TMEM232: variants seen among roughly 807,000 people sequenced by gnomAD.
The protein encoded by TMEM232 is transmembrane protein 232.
In TMEM232, 80 loss-of-function variants were observed where a neutral mutation model predicts 78.8. The ratio of observed to expected loss-of-function variants is 1.01; its 90% confidence interval spans 0.85 to 1.22. TMEM232 has a LOEUF of 1.22. TMEM232 is among the 50% of genes most tolerant of loss of function. TMEM232 has a pLI of 0.00. For missense variants in TMEM232, 881 were observed against 742.2 expected, an observed-to-expected ratio of 1.19 and a Z score of -2.17; for synonymous variants, 297 against 254.3, an observed-to-expected ratio of 1.17 and a Z score of -1.60.
intron 2 of TMEM232, among the ~76,000 whole-genome samples, chr5:110,405,803 T>C (rs1755769922): frequency 6.7e-6 from 1 of 149,408 alleles, no homozygotes; most frequent in Non-Finnish European, 1.5e-5. Context: ...TTTAGCACGC[T>C]TGTATTTGGA....
intron 10 of TMEM232, among the ~76,000 whole-genome samples, chr5:110,599,923 T>C (rs7729261): frequency 0.21 from 32,540 of 151,992 alleles, 5,129 homozygotes; most frequent in African/African-American, 0.45. Flanking sequence ...GGAAGTAAAA[T>C]GCTCTTCAGC....
At chr5:110,432,681 G>T (rs1757991248) in intron 12 of TMEM232, among the ~76,000 whole-genome samples, 1 of 151,640 alleles carries the variant, frequency 6.6e-6, no homozygotes, top group African/African-American at 2.4e-5. Context: ...AAGACATAAA[G>T]TTGCAAATTG....
Position 110,419,950 on chromosome 5 carries a change from A to AACTC in TMEM232, c.*626_*629dup, listed in dbSNP as rs1190188646. ...AGGTTCATAAGAATTCATTCTCATA[A>AACTC]ACTCACAGAACAGAGTAAAACCACC... On this transcript the variant is annotated 3_prime_UTR_variant, in exon 14 of 14. Coordinates refer to ENST00000455884, the MANE Select transcript of TMEM232 (RefSeq NM_001039763.4). Among the ~76,000 whole-genome samples the AACTC allele has an allele frequency of 1.3e-5, 2 of 152,028 alleles. No homozygotes were observed. Among genetic ancestry groups the AACTC allele is most frequent in the Non-Finnish European group, 2.9e-5 (2 of 67,946 alleles).
intron 10 of TMEM232, among the ~76,000 whole-genome samples, chr5:110,601,445 TC>T (rs1780884459): frequency 6.6e-6 from 1 of 152,104 alleles, no homozygotes; most frequent in Admixed American, 6.6e-5. Flanking sequence ...ATAAACAACT[TC>T]AGCAAAATCT....
chr5:110,676,904 A>C (rs1580625688), intron 1 of TMEM232, among the ~76,000 whole-genome samples: 2 of 151,716 alleles, frequency 1.3e-5, no homozygotes, highest in African/African-American at 4.8e-5. Context: ...GATTACAGGC[A>C]CCTGCCACCA....
At chr5:110,448,520 T>A (rs75298353) in intron 12 of TMEM232, among the ~76,000 whole-genome samples, 2 of 152,068 alleles carry the variant, frequency 1.3e-5, no homozygotes, top group African/African-American at 4.8e-5. Context: ...TAAATGATTG[T>A]TTTAAATTTG....
At chr5:110,689,060 C>A (rs1170234230) in intron 1 of TMEM232, among the ~76,000 whole-genome samples, 6 of 152,136 alleles carry the variant, frequency 3.9e-5, no homozygotes, top group African/African-American at 1.2e-4. Flanking sequence ...ATATACCACC[C>A]TTTCCCTTTT....
chr5:110,731,281 C>G (rs1798655556), upstream of TMEM232, among the ~76,000 whole-genome samples: 1 of 152,202 alleles, frequency 6.6e-6, no homozygotes, highest in Non-Finnish European at 1.5e-5. Flanking sequence ...TGCAGCTTCT[C>G]CAGGTGCACA....
chr5:110,627,731 C>T lies in TMEM232; in HGVS notation c.601+50G>A, dbSNP rs976599272. 58 of 1,269,092 alleles carry T rather than the reference C, an allele frequency of 4.6e-5. No individual in the cohort carries two copies. The East Asian group carries it at 1.5e-3, about 33-fold the overall frequency. 78.6% of individuals were successfully genotyped at this position (1,269,092 alleles called of 1,614,324 possible). A position where few individuals can be genotyped will look rare whatever the true frequency, so the allele number is the denominator to read the frequency against. ...CTTTATAGTGACAGTCTGAGCTTAT[C>T]AAAATATAACATAAAACATTTATAA... On this transcript the variant is annotated intron_variant, in intron 6 of 13. Coordinates refer to ENST00000455884, the MANE Select transcript of TMEM232 (RefSeq NM_001039763.4).
intron 10 of TMEM232, among the ~76,000 whole-genome samples, chr5:110,576,561 A>C (rs1418377512): frequency 6.6e-6 from 1 of 152,002 alleles, no homozygotes; most frequent in Non-Finnish European, 1.5e-5. Context: ...ACAACAAAAA[A>C]AGCCTGAATA....
At chr5:110,709,680 A>T (rs1471948239) in intron 1 of TMEM232, among the ~76,000 whole-genome samples, 2 of 152,158 alleles carry the variant, frequency 1.3e-5, no homozygotes, top group African/African-American at 4.8e-5. Context: ...AAATTTATTG[A>T]AACAAATGTT....
chr5:110,470,366 T>G (rs752767659), intron 12 of TMEM232, among the ~76,000 whole-genome samples: 4 of 151,916 alleles, frequency 2.6e-5, no homozygotes, highest in Non-Finnish European at 5.9e-5. Context: ...GAGAATGAAC[T>G]TGTATGTAAA....
At chr5:110,665,925 C>A (rs974106975) in intron 2 of TMEM232, among the ~76,000 whole-genome samples, 4 of 151,108 alleles carry the variant, frequency 2.6e-5, no homozygotes, top group African/African-American at 9.7e-5. Context: ...AAAAATTAGC[C>A]AGGCATACTG....
chr5:110,721,669 G>GTATATATATATATATATATATA lies in TMEM232; in HGVS notation c.-13+4957_-13+4958insTATATATATATATATATATATA, dbSNP rs749643657. 5.0e-3 allele frequency among the ~76,000 whole-genome samples: 118 copies of GTATATATATATATATATATATA among 23,826 alleles called. 4 individuals carry two copies. In the East Asian group the frequency reaches 0.071, roughly 14 times the overall value. 15.6% of individuals were successfully genotyped at this position (23,826 alleles called of 152,430 possible). On this transcript the variant is annotated intron_variant, in intron 1 of 13. Coordinates refer to ENST00000455884, the MANE Select transcript of TMEM232 (RefSeq NM_001039763.4). Reference sequence around the variant, plus strand: ...GTCTGCATATCATGTGTGTGTGTGTGTGTGTATATATATATCTGTGTGTGT... The same window carrying GTATATATATATATATATATATA: ...GTCTGCATATCATGTGTGTGTGTGTGTATATATATATATATATATATATGTGTATATATATATCTGTGTGTGT...
At position 110,392,450 on chromosome 5, in the gene TMEM232, T is replaced by G. The variant is rs200754602; in HGVS notation, n.391-1810A>C. On this transcript the variant is annotated intron_variant and non_coding_transcript_variant, in intron 3 of 8. Transcript: ENST00000507188. ...ATTTGTTAGTCAGTTCAGGCTGTTA[T>G]GACAAAATATCATAGGCTGGCTGGT... Among the ~76,000 whole-genome samples the G allele has an allele frequency of 9.8e-5, 15 of 152,344 alleles. 1 individual carries two copies. The East Asian group carries it at 2.5e-3, about 25-fold the overall frequency.
chr5:110,474,343 A>G (rs1045306917), intron 12 of TMEM232, among the ~76,000 whole-genome samples: 1 of 151,952 alleles, frequency 6.6e-6, no homozygotes, highest in African/African-American at 2.4e-5. Flanking sequence ...TTAACCTGGT[A>G]AAGATTTTTT....
intron 12 of TMEM232, among the ~76,000 whole-genome samples, chr5:110,524,178 G>A (rs972181173): frequency 6.7e-6 from 1 of 149,718 alleles, no homozygotes; most frequent in African/African-American, 2.5e-5. Context: ...CATAAGAATT[G>A]CTTGAACCAG....
At chr5:110,557,472 T>C (rs537791941) in intron 11 of TMEM232, among the ~76,000 whole-genome samples, 77 of 152,292 alleles carry the variant, frequency 5.1e-4, no homozygotes, top group Middle Eastern at 6.8e-3. Context: ...CATACTGCTA[T>C]AACGAAATAC....
At chr5:110,476,667 T>C (rs931033233) in intron 12 of TMEM232, among the ~76,000 whole-genome samples, 1 of 152,074 alleles carries the variant, frequency 6.6e-6, no homozygotes, top group African/African-American at 2.4e-5. Flanking sequence ...GGATTGCCTA[T>C]GAATAATCAT....
Sources: gnomAD v4.1 joint callset for allele counts (sites outside exome capture counted in the v4.1 genomes callset) on GRCh38, gnomAD v4.1.1 for gene constraint, MANE v1.5 for transcripts, NCBI Gene and HGNC (gene_info 2026-07-23, HGNC 2026-07-21) for gene names.